SCHIP1: variants seen among roughly 807,000 people sequenced by gnomAD.
SCHIP1 encodes schwannomin interacting protein 1, also known as schwannomin-interacting protein 1.
Under a neutral mutation model 29.7 loss-of-function variants are expected in SCHIP1, and 8 were observed. The ratio of observed to expected loss-of-function variants is 0.27; its 90% confidence interval spans 0.16 to 0.49. The LOEUF (loss-of-function observed/expected upper bound fraction) is 0.49. Ranked by LOEUF, SCHIP1 falls within the 20% of genes least tolerant of loss-of-function variation. The probability of loss-of-function intolerance (pLI) is 0.99; values close to 1 mark genes in which losing one functional copy is unlikely to be tolerated. For missense variants in SCHIP1, 193 were observed against 294.6 expected (o/e 0.66, Z 2.52); for synonymous variants, 76 against 94.9 (o/e 0.80, Z 1.16).
At chr3:159,553,995 TGTG>T in the SCHIP1 span, among the ~76,000 whole-genome samples, 1 of 124,812 alleles carries the variant, frequency 8.0e-6, no homozygotes, top group African/African-American at 4.2e-5. Flanking sequence ...TGTGTGTGTG[TGTG>T]TGTGTGTGTG....
chr3:159,801,266 G>A, the SCHIP1 span, among the ~76,000 whole-genome samples: 1 of 152,142 alleles, frequency 6.6e-6, no homozygotes, highest in Non-Finnish European at 1.5e-5. Context: ...GTAAGATATG[G>A]TTATAAATGT....
At chr3:159,352,443 C>T in the SCHIP1 span, among the ~76,000 whole-genome samples, 2,158 of 152,240 alleles carry the variant, frequency 0.014, 24 homozygotes, top group Non-Finnish European at 0.023. Context: ...CTTGCGTATC[C>T]GTTACCTAAT....
At chr3:159,329,132 A>G in the SCHIP1 span, among the ~76,000 whole-genome samples, 1,012 of 152,110 alleles carry the variant, frequency 6.7e-3, 5 homozygotes, top group Non-Finnish European at 8.3e-3. Context: ...GCCTGTGTGG[A>G]TGAGTAAAAC....
the SCHIP1 span, among the ~76,000 whole-genome samples, chr3:159,809,995 A>G: frequency 6.6e-6 from 1 of 152,230 alleles, no homozygotes; most frequent in African/African-American, 2.4e-5. Context: ...CCCTGTCTCA[A>G]AAAAATAAAC....
At chr3:159,782,692 T>C in the SCHIP1 span, among the ~76,000 whole-genome samples, 1 of 152,228 alleles carries the variant, frequency 6.6e-6, no homozygotes, top group Non-Finnish European at 1.5e-5. Flanking sequence ...CTGGAAGTGA[T>C]TGTAATGATC....
At chr3:159,316,559 G>A in the SCHIP1 span, among the ~76,000 whole-genome samples, 4 of 152,128 alleles carry the variant, frequency 2.6e-5, no homozygotes, top group African/African-American at 4.8e-5. Flanking sequence ...ATCCAATCAA[G>A]TTGACACTCA....
At chr3:159,794,830 G>A in the SCHIP1 span, among the ~76,000 whole-genome samples, 1 of 152,132 alleles carries the variant, frequency 6.6e-6, no homozygotes, top group East Asian at 1.9e-4. Context: ...TCAGATGCAA[G>A]AAGCTGCCCA....
the SCHIP1 span, among the ~76,000 whole-genome samples, chr3:159,587,509 G>A: frequency 1.3e-5 from 2 of 152,000 alleles, no homozygotes; most frequent in Non-Finnish European, 2.9e-5. Context: ...TAGGGTACAC[G>A]TGCACAACGT....
the SCHIP1 span, among the ~76,000 whole-genome samples, chr3:159,817,305 GGGGTGGCGGGCTGC>G: frequency 6.6e-5 from 10 of 152,254 alleles, no homozygotes; most frequent in East Asian, 3.9e-4. Flanking sequence ...GCAATGGGGT[GGGGTGGCGGGCTGC>G]GGGTGGCGGG....
chr3:159,811,946 G>A, the SCHIP1 span, among the ~76,000 whole-genome samples: 55 of 149,680 alleles, frequency 3.7e-4, no homozygotes, highest in South Asian at 1.0e-2. Flanking sequence ...ATTTCTCTTA[G>A]CAATGTTTTG....
chr3:159,868,918 T>C (rs1714939372), intron 2 of SCHIP1, among the ~76,000 whole-genome samples: 1 of 152,096 alleles, frequency 6.6e-6, no homozygotes, highest in South Asian at 2.1e-4. Flanking sequence ...ACCAGCAATG[T>C]TTCAGAGATC....
chr3:159,314,682 G>A, the SCHIP1 span, among the ~76,000 whole-genome samples: 4 of 152,278 alleles, frequency 2.6e-5, no homozygotes, highest in Non-Finnish European at 5.9e-5. Context: ...GAAAGAACCT[G>A]GATCTTTGAT....
chr3:159,546,164 A>G, the SCHIP1 span, among the ~76,000 whole-genome samples: 14 of 152,208 alleles, frequency 9.2e-5, no homozygotes, highest in Admixed American at 7.9e-4. Flanking sequence ...CAACCATATT[A>G]TCTGTGAATA....
the SCHIP1 span, among the ~76,000 whole-genome samples, chr3:159,612,061 G>T: frequency 6.6e-6 from 1 of 151,854 alleles, no homozygotes; most frequent in East Asian, 1.9e-4. Context: ...CATTAAAACT[G>T]TACCCAATAA....
At chr3:159,438,162 C>T in the SCHIP1 span, among the ~76,000 whole-genome samples, 1 of 152,142 alleles carries the variant, frequency 6.6e-6, no homozygotes. Context: ...ACACAACCTT[C>T]CACAGAAGTT....
At chr3:159,644,265 G>C in the SCHIP1 span, among the ~76,000 whole-genome samples, 3 of 151,942 alleles carry the variant, frequency 2.0e-5, no homozygotes, top group Non-Finnish European at 4.4e-5. Flanking sequence ...AATATCTCTA[G>C]CTTTTGGGTA....
chr3:159,399,056 C>T, the SCHIP1 span: 1 of 456,078 alleles, frequency 2.2e-6, no homozygotes, highest in Non-Finnish European at 2.9e-6. Flanking sequence ...TCCAGCTACA[C>T]TGGCTTCATT....
At chr3:159,392,529 G>T in the SCHIP1 span, among the ~76,000 whole-genome samples, 1 of 147,548 alleles carries the variant, frequency 6.8e-6, no homozygotes, top group Admixed American at 7.0e-5. Context: ...TCATTGTTCA[G>T]TTCCCACCTA....
the SCHIP1 span, among the ~76,000 whole-genome samples, chr3:159,615,507 C>T: frequency 6.6e-6 from 1 of 152,208 alleles, no homozygotes; most frequent in African/African-American, 2.4e-5. Flanking sequence ...AGTTGGCCTA[C>T]CTGGCACCTT....
Sources: allele counts gnomAD v4.1 joint callset (sites outside exome capture counted in the v4.1 genomes callset), GRCh38; gene constraint gnomAD v4.1.1; transcripts MANE v1.5; gene names NCBI Gene and HGNC (gene_info 2026-07-23, HGNC 2026-07-21).